Variants in FTO observed in about 807,000 individuals in gnomAD.
The protein encoded by FTO is alpha-ketoglutarate-dependent dioxygenase FTO.
In FTO, 47 loss-of-function variants were observed where a neutral mutation model predicts 63.9. That is an observed-to-expected ratio of 0.74 (90% CI 0.58 to 0.94). The LOEUF is 0.94. Ranked by LOEUF, FTO falls within the 40% of genes least tolerant of loss-of-function variation. The pLI is 0.00. For missense variants in FTO, 562 were observed against 618.1 expected, an observed-to-expected ratio of 0.91 and a Z score of 0.96; for synonymous variants, 207 against 224.4, an observed-to-expected ratio of 0.92 and a Z score of 0.69.
intron 1 of FTO, among the ~76,000 whole-genome samples, chr16:53,726,046 C>T (rs529773488): frequency 2.6e-5 from 4 of 152,282 alleles, no homozygotes; most frequent in East Asian, 1.9e-4. Context: ...TTAATGCACA[C>T]ACATCTTAAT....
At chr16:54,008,820 T>C (rs2084270403) in intron 8 of FTO, among the ~76,000 whole-genome samples, 1 of 16,732 alleles carries the variant, frequency 6.0e-5, no homozygotes, top group Non-Finnish European at 1.0e-4. Flanking sequence ...ATAATAATAA[T>C]AATAATAATA....
chr16:53,736,490 A>G (rs532532273), intron 1 of FTO, among the ~76,000 whole-genome samples: 9 of 152,004 alleles, frequency 5.9e-5, no homozygotes, highest in South Asian at 2.1e-4. Flanking sequence ...AAGTCTTTCA[A>G]TCTGTCAGCA....
intron 8 of FTO, among the ~76,000 whole-genome samples, chr16:54,047,883 A>G (rs1353422162): frequency 7.2e-5 from 3 of 41,838 alleles, no homozygotes; most frequent in African/African-American, 5.2e-4. Context: ...AACACCGCAT[A>G]TTCTCACTCA....
intron 4 of FTO, among the ~76,000 whole-genome samples, chr16:53,855,134 G>T (rs1460557267): frequency 1.3e-5 from 2 of 151,588 alleles, no homozygotes; most frequent in Admixed American, 6.6e-5. Context: ...TGTGTACATT[G>T]ATTTTGTAAC....
At chr16:53,744,825 T>TC (rs563024215) in intron 1 of FTO, among the ~76,000 whole-genome samples, 44 of 69,232 alleles carry the variant, frequency 6.4e-4, no homozygotes, top group East Asian at 1.6e-3. Flanking sequence ...GGACTTTTCT[T>TC]CCCCCCCCCC....
intron 2 of FTO, among the ~76,000 whole-genome samples, chr16:53,816,499 ACC>A (rs5816908): frequency 7.2e-6 from 1 of 138,232 alleles, no homozygotes; most frequent in Non-Finnish European, 1.6e-5. Flanking sequence ...CCCACTCCCC[ACC>A]CCCCCTCACA....
At chr16:53,821,746 C>T (rs1041234925) in intron 2 of FTO, among the ~76,000 whole-genome samples, 3 of 152,174 alleles carry the variant, frequency 2.0e-5, no homozygotes, top group Non-Finnish European at 2.9e-5. Context: ...ATACTTCCTC[C>T]CACTTTCTGC....
chr16:53,807,453 G>A (rs1598714971), intron 1 of FTO, among the ~76,000 whole-genome samples: 1 of 152,320 alleles, frequency 6.6e-6, no homozygotes, highest in East Asian at 1.9e-4. Context: ...TTTAGCTGAA[G>A]CATTAATTAT....
At chr16:53,873,938 A>G (rs2080575900) in intron 5 of FTO, 73 bp downstream of exon 5, 3 of 1,121,522 alleles carry the variant, frequency 2.7e-6, no homozygotes, top group Non-Finnish European at 4.1e-6. Flanking sequence ...AATTTACTAT[A>G]GAGCTTTGGA....
At chr16:53,836,282 C>G (rs1447996014) in intron 3 of FTO, among the ~76,000 whole-genome samples, 1 of 152,170 alleles carries the variant, frequency 6.6e-6, no homozygotes, top group Non-Finnish European at 1.5e-5. Context: ...ACCTAGCACC[C>G]TGGTCAAGAA....
At chr16:54,076,736 C>G (rs1425573287) in intron 8 of FTO, among the ~76,000 whole-genome samples, 1 of 152,068 alleles carries the variant, frequency 6.6e-6, no homozygotes, top group African/African-American at 2.4e-5. Flanking sequence ...TCTATCAAAG[C>G]CACACCTTAA....
chr16:53,823,503 G>A (rs1029233386), intron 2 of FTO, among the ~76,000 whole-genome samples: 4 of 51,824 alleles, frequency 7.7e-5, no homozygotes, highest in Non-Finnish European at 1.6e-4. Context: ...CCCTCCCCCC[G>A]CCCACCATAT....
rs984117025 is a variant in FTO at position 53,754,495 on chromosome 16, G to T, written c.45+50266G>T. On this transcript the variant is annotated intron_variant, in intron 1 of 8. Transcript: ENST00000471389. The stretch of plus-strand genomic sequence containing the variant: ...TCTACTAAAAATGCAAAAATTGGCC[G>T]GGCACGGTGGCGGATGCCTATAATC... 2.6e-5 allele frequency among the ~76,000 whole-genome samples: 4 copies of T among 152,160 alleles called. No individual in the cohort carries two copies. In the East Asian group the frequency reaches 7.7e-4, roughly 29 times the overall value.
chr16:53,881,151 A>AAATAAATAT (rs1449117058), intron 6 of FTO, among the ~76,000 whole-genome samples: 1 of 150,862 alleles, frequency 6.6e-6, no homozygotes, highest in African/African-American at 2.4e-5. Context: ...ATAAATAAAT[A>AAATAAATAT]AAAATAAAAT....
chr16:54,105,771 CTGTGTGTG>C (rs57782663), intron 8 of FTO, among the ~76,000 whole-genome samples: 2,981 of 138,048 alleles, frequency 0.022, 33 homozygotes, highest in Middle Eastern at 0.06. Context: ...AAGTTCTAGT[CTGTGTGTG>C]TGTGTGTGTG....
At chr16:54,075,769 G>C (rs549185441) in intron 8 of FTO, among the ~76,000 whole-genome samples, 2 of 152,082 alleles carry the variant, frequency 1.3e-5, no homozygotes, top group African/African-American at 4.8e-5. Context: ...GAAATTTTTC[G>C]ATGAAATTAA....
At chr16:54,109,440 C>T (rs8057911) in intron 8 of FTO, among the ~76,000 whole-genome samples, 36,164 of 152,104 alleles carry the variant, frequency 0.24, 4,425 homozygotes, top group Middle Eastern at 0.33. Flanking sequence ...AAGTGATTCT[C>T]GTGCCTCAGC....
intron 8 of FTO, among the ~76,000 whole-genome samples, chr16:54,025,319 A>C (rs1364319055): frequency 6.6e-6 from 1 of 152,254 alleles, no homozygotes; most frequent in African/African-American, 2.4e-5. Flanking sequence ...TTATTACTAC[A>C]GTATTCTCAA....
intron 5 of FTO, among the ~76,000 whole-genome samples, chr16:53,879,132 G>T (rs1471053217): frequency 1.3e-5 from 2 of 152,000 alleles, no homozygotes; most frequent in Non-Finnish European, 2.9e-5. Context: ...TTGACTTCTT[G>T]GTTAACCAGT....
Sources: gnomAD v4.1 joint callset for allele counts (sites outside exome capture counted in the v4.1 genomes callset) on GRCh38, gnomAD v4.1.1 for gene constraint, MANE v1.5 for transcripts, NCBI Gene and HGNC (gene_info 2026-07-23, HGNC 2026-07-21) for gene names.